SORBS2: variants seen among roughly 807,000 people sequenced by gnomAD.
The protein encoded by SORBS2 is sorbin and SH3 domain containing 2, also known as sorbin and SH3 domain-containing protein 2.
SORBS2 carries 46 observed loss-of-function variants against 97.7 expected under a neutral mutation model. The observed-to-expected ratio is 0.47, with a 90% confidence interval of 0.37 to 0.60. The LOEUF (loss-of-function observed/expected upper bound fraction) is 0.60. SORBS2 is among the 20% of genes least tolerant of loss of function. The pLI is 0.00. For synonymous variants in SORBS2, 476 were observed against 473.4 expected, an observed-to-expected ratio of 1.01 and a Z score of -0.07; for missense variants, 1,316 against 1,282.3, an observed-to-expected ratio of 1.03 and a Z score of -0.40.
intron 2 of SORBS2, among the ~76,000 whole-genome samples, chr4:185,732,487 AG>A (rs1179158059): frequency 2.6e-5 from 4 of 152,186 alleles, no homozygotes; most frequent in Non-Finnish European, 5.9e-5. Context: ...AGGGGTTATT[AG>A]TCCTCTGGGT....
chr4:185,662,110 A>G, exon 5 of SORBS2: 1 of 1,614,102 alleles, frequency 6.2e-7, no homozygotes, highest in East Asian at 2.2e-5. Flanking sequence ...TTACCGAGGG[A>G]TGTGCCGTGC....
rs145867070 is a variant in SORBS2, at chr4:185,921,946, C to T, written c.-338+34250G>A. On this transcript the variant is annotated intron_variant, in intron 1 of 20. Transcript: ENST00000284776. ...CCTGTTACAGGAACACTGCCAATCA[C>T]GTAAGCCACACAATTGTTAAAACAC... is the stretch of plus-strand genomic sequence containing the variant. Among the ~76,000 whole-genome samples, 651 of 152,326 alleles carry T rather than the reference C, an allele frequency of 4.3e-3. 3 individuals are homozygous for T. Among genetic ancestry groups the T allele is most frequent in the African/African-American group, 0.015 (621 of 41,556 alleles).
At chr4:185,632,976 C>G (rs1310773925) in intron 4 of SORBS2, among the ~76,000 whole-genome samples, 1 of 152,036 alleles carries the variant, frequency 6.6e-6, no homozygotes, top group African/African-American at 2.4e-5. Flanking sequence ...GTACTCATCC[C>G]AAAATGAAAA....
chr4:185,839,533 C>T (rs939494554), intron 1 of SORBS2, among the ~76,000 whole-genome samples: 5 of 152,088 alleles, frequency 3.3e-5, no homozygotes, highest in African/African-American at 1.2e-4. Context: ...AAGAACAAGC[C>T]GGAGCACACT....
chr4:185,829,725 G>A (rs1050512156), intron 1 of SORBS2, among the ~76,000 whole-genome samples: 1 of 152,022 alleles, frequency 6.6e-6, no homozygotes, highest in African/African-American at 2.4e-5. Flanking sequence ...CACCTACTCG[G>A]TACTTACACA....
chr4:185,631,762 C>CA (rs140469117), intron 4 of SORBS2, among the ~76,000 whole-genome samples: 47,133 of 149,494 alleles, frequency 0.32, 8,303 homozygotes, highest in South Asian at 0.52. Context: ...AACCCCATCT[C>CA]AAAAAAACAA....
intron 1 of SORBS2, among the ~76,000 whole-genome samples, chr4:185,868,260 G>A (rs377078276): frequency 3.4e-5 from 5 of 147,320 alleles, no homozygotes; most frequent in Non-Finnish European, 7.4e-5. Context: ...GGGTTCAAGC[G>A]ATTCTCCTGC....
At chr4:185,657,678 C>A (rs2097431020), upstream of SORBS2, 1 of 1,241,462 alleles carries the variant, frequency 8.1e-7, no homozygotes, top group Non-Finnish European at 1.1e-6. Flanking sequence ...ATATTTATGC[C>A]AACTGTAACA....
At chr4:185,654,789 A>C (rs1362715316) in intron 1 of SORBS2, among the ~76,000 whole-genome samples, 1 of 129,866 alleles carries the variant, frequency 7.7e-6, no homozygotes, top group African/African-American at 2.9e-5. Flanking sequence ...AAAAATAGCT[A>C]CTAGCAATTC....
chr4:185,665,917 G>T (rs2097588673), intron 4 of SORBS2: 2 of 1,208,306 alleles, frequency 1.7e-6, no homozygotes, highest in Non-Finnish European at 2.1e-6. Flanking sequence ...GGAGTCTGTT[G>T]TCAGAGAGCC....
At chr4:185,812,902 T>A (rs1472350003) in intron 1 of SORBS2, 1 of 152,228 alleles carries the variant, frequency 6.6e-6, no homozygotes, top group African/African-American at 2.4e-5. Flanking sequence ...AAATTCTTTT[T>A]AAAAAATCCG....
chr4:185,906,065 G>T (rs559401439), intron 1 of SORBS2, among the ~76,000 whole-genome samples: 5 of 151,904 alleles, frequency 3.3e-5, no homozygotes, highest in African/African-American at 9.7e-5. Context: ...ACGGAGTCTC[G>T]CTCTGTGGCC....
chr4:185,717,448 C>T (rs2098475230), intron 2 of SORBS2, among the ~76,000 whole-genome samples: 1 of 152,200 alleles, frequency 6.6e-6, no homozygotes. Flanking sequence ...CCTCCAATAG[C>T]GATCCTGTGT....
chr4:185,769,677 A>G (rs1289236378), intron 2 of SORBS2, among the ~76,000 whole-genome samples: 1 of 151,980 alleles, frequency 6.6e-6, no homozygotes, highest in Non-Finnish European at 1.5e-5. Flanking sequence ...TTTAATAGAG[A>G]TGGGGTTTCT....
chr4:185,676,806 C>T (rs969684239), intron 4 of SORBS2, among the ~76,000 whole-genome samples: 8 of 152,200 alleles, frequency 5.3e-5, no homozygotes, highest in Admixed American at 5.2e-4. Context: ...TGCATATTTA[C>T]ATTTAAAAAT....
At chr4:185,597,162 A>T (rs889023049) in intron 12 of SORBS2, among the ~76,000 whole-genome samples, 13 of 152,210 alleles carry the variant, frequency 8.5e-5, no homozygotes, top group African/African-American at 2.2e-4. Context: ...TAGCAAGAAC[A>T]GTTATCTAAG....
chr4:185,834,544 G>A (rs1252231285), intron 1 of SORBS2, among the ~76,000 whole-genome samples: 1 of 152,120 alleles, frequency 6.6e-6, no homozygotes, highest in African/African-American at 2.4e-5. Flanking sequence ...GAGGCAGAAT[G>A]TAATCAGTGC....
chr4:185,662,311 G>A, intron 4 of SORBS2, 69 bp from the exon 8 acceptor site: 1 of 1,449,620 alleles, frequency 6.9e-7, no homozygotes, highest in Non-Finnish European at 9.4e-7. Flanking sequence ...TCCATTAGGT[G>A]ATAATAAAAG....
chr4:185,667,884 A>C (rs904888360), intron 4 of SORBS2, among the ~76,000 whole-genome samples: 1 of 151,968 alleles, frequency 6.6e-6, no homozygotes, highest in African/African-American at 2.4e-5. Flanking sequence ...TTATGAAATT[A>C]TCATAATTCT....
Sources: gnomAD v4.1 joint callset for allele counts (sites outside exome capture counted in the v4.1 genomes callset) on GRCh38, gnomAD v4.1.1 for gene constraint, MANE v1.5 for transcripts, NCBI Gene and HGNC (gene_info 2026-07-23, HGNC 2026-07-21) for gene names.